Variants in DLGAP1 observed in about 807,000 individuals in gnomAD.
DLGAP1 encodes the protein disks large-associated protein 1.
A neutral mutation model predicts 90.8 loss-of-function variants in DLGAP1; 11 were observed. The observed-to-expected ratio is 0.12, with a 90% CI of 0.08 to 0.20. The LOEUF (loss-of-function observed/expected upper bound fraction) is 0.20, where lower values mean the gene tolerates loss of function less well. Ranked by LOEUF, DLGAP1 falls within the 10% of genes least tolerant of loss-of-function variation. The probability of loss-of-function intolerance (pLI) is 1.00; values close to 1 mark genes in which losing one functional copy is unlikely to be tolerated. For synonymous variants in DLGAP1, 558 were observed against 540.7 expected (o/e 1.03, Z -0.44); for missense variants, 1,050 against 1,333.8 (o/e 0.79, Z 3.31).
At chr18:4,158,213 A>G (rs1568426073) in intron 1 of DLGAP1, among the ~76,000 whole-genome samples, 1 of 152,144 alleles carries the variant, frequency 6.6e-6, no homozygotes, top group Non-Finnish European at 1.5e-5. Flanking sequence ...CAAAGCAACT[A>G]TTCTTATAGT....
chr18:4,378,069 T>C lies in DLGAP1; in HGVS notation c.-267+76937A>G, dbSNP rs924366498. Reference sequence around the variant, plus strand: ...TTTTATATATACATATTATAAAATATATATATCACTTTTCAATCTTTTTTC... The same window carrying C: ...TTTTATATATACATATTATAAAATACATATATCACTTTTCAATCTTTTTTC... On this transcript the variant is annotated intron_variant, in intron 1 of 12. Transcript: ENST00000315677. This position sits in a 1 kb window ranked among gnomAD's most constrained non-coding sequence, Gnocchi z 4.5. Among the ~76,000 whole-genome samples, 2 of 149,076 alleles carry C rather than the reference T, an allele frequency of 1.3e-5. No individual in the cohort carries two copies. Among genetic ancestry groups the C allele is most frequent in the African/African-American group, 4.9e-5 (2 of 40,940 alleles).
intron 7 of DLGAP1, among the ~76,000 whole-genome samples, chr18:3,606,291 G>T (rs2057323161): frequency 6.6e-6 from 1 of 152,116 alleles, no homozygotes; most frequent in Non-Finnish European, 1.5e-5. Flanking sequence ...CCGCTTCTTA[G>T]AACCCTTCCC....
intron 2 of DLGAP1, among the ~76,000 whole-genome samples, chr18:4,064,408 G>A (rs1257921591): frequency 1.3e-5 from 2 of 148,708 alleles, no homozygotes; most frequent in East Asian, 2.0e-4. Flanking sequence ...ATGAATCCAC[G>A]AGATTTTTCT....
Position 4,342,692 on chromosome 18 carries a change from T to C in DLGAP1, c.-267+112314A>G, listed in dbSNP as rs546707236. ...ACTACATTTGCCACAAATCTGCAGA[T>C]GTATGTTGAAAGATTTGACATATCA... is the stretch of plus-strand genomic sequence containing the variant. On this transcript the variant is annotated intron_variant, in intron 1 of 12. Transcript: ENST00000315677. The surrounding 1 kb of genome is among the most constrained non-coding windows in gnomAD (Gnocchi z 5.8). Among the ~76,000 whole-genome samples, 205 of 152,360 alleles carry C rather than the reference T, an allele frequency of 1.3e-3. No homozygotes were observed. Among genetic ancestry groups the C allele is most frequent in the African/African-American group, 4.8e-3 (199 of 41,590 alleles).
intron 10 of DLGAP1, among the ~76,000 whole-genome samples, chr18:3,527,672 C>G (rs1599070590): frequency 6.6e-6 from 1 of 151,872 alleles, no homozygotes; most frequent in East Asian, 1.9e-4. Context: ...CTCACTGTAG[C>G]CTCGACCTCC....
intron 3 of DLGAP1, among the ~76,000 whole-genome samples, chr18:3,973,612 G>A (rs770756114): frequency 2.6e-5 from 4 of 152,194 alleles, no homozygotes; most frequent in Non-Finnish European, 4.4e-5. Flanking sequence ...CATTTCTTCT[G>A]CCAGTGTTGT....
chr18:3,798,754 T>G (rs551829857), intron 5 of DLGAP1, among the ~76,000 whole-genome samples: 1 of 152,232 alleles, frequency 6.6e-6, no homozygotes, highest in Admixed American at 6.5e-5. Context: ...GTGAGGTGCT[T>G]AACATAAGTT....
intron 8 of DLGAP1, among the ~76,000 whole-genome samples, chr18:3,579,946 G>A (rs1054456626): frequency 7.2e-5 from 11 of 152,026 alleles, no homozygotes; most frequent in Non-Finnish European, 1.2e-4. Flanking sequence ...TTCTCATATG[G>A]TCATTCAATA....
rs140971986 is a variant in DLGAP1, at chr18:4,139,801, G to A, written c.-159+11379C>T. On this transcript the variant is annotated intron_variant, in intron 2 of 12. Transcript: ENST00000315677. ...ATACATGGGTGCTCCAGTGTTGGGT[G>A]TAAGTGTATTTATAATCATTACATC... is the stretch of plus-strand genomic sequence containing the variant. Among the ~76,000 whole-genome samples, 1,518 of 152,034 alleles carry A rather than the reference G, an allele frequency of 1.0e-2. 22 individuals are homozygous for A. The highest frequency in any genetic ancestry group is 0.034 in the African/African-American group (1,413 of 41,528).
At chr18:3,841,288 G>C (rs901772049) in intron 4 of DLGAP1, among the ~76,000 whole-genome samples, 1 of 152,166 alleles carries the variant, frequency 6.6e-6, no homozygotes, top group African/African-American at 2.4e-5. Flanking sequence ...TACTTTCTCT[G>C]TAGAGAAAGT....
intron 5 of DLGAP1, among the ~76,000 whole-genome samples, chr18:3,768,473 A>T (rs1568100255): frequency 6.6e-6 from 1 of 152,170 alleles, no homozygotes; most frequent in Non-Finnish European, 1.5e-5. Flanking sequence ...ATGGAAAGTC[A>T]AAGGAACAAG....
intron 1 of DLGAP1, among the ~76,000 whole-genome samples, chr18:4,306,033 T>TACACACACACACACACACAC (rs3041181): frequency 7.7e-5 from 11 of 142,204 alleles, no homozygotes; most frequent in South Asian, 4.5e-4. Context: ...CACACACAAA[T>TACACACACACACACACACAC]ACACACACAC....
At chr18:4,367,030 A>AAAAAAATT (rs71160960) in intron 1 of DLGAP1, among the ~76,000 whole-genome samples, 6 of 135,068 alleles carry the variant, frequency 4.4e-5, no homozygotes, top group East Asian at 2.1e-4. Context: ...AAAAAAAAAA[A>AAAAAAATT]TCTTGTACTT....
At chr18:4,352,712 T>C (rs2081426853) in intron 1 of DLGAP1, among the ~76,000 whole-genome samples, 1 of 152,108 alleles carries the variant, frequency 6.6e-6, no homozygotes, top group African/African-American at 2.4e-5. Flanking sequence ...ACAACCACAA[T>C]GCAGAATTCT....
chr18:3,966,842 G>A (rs1478394091), intron 3 of DLGAP1, among the ~76,000 whole-genome samples: 2 of 152,124 alleles, frequency 1.3e-5, no homozygotes, highest in African/African-American at 2.4e-5. Flanking sequence ...AACAGATTTG[G>A]ATGACATCAG....
At chr18:4,145,141 T>A (rs1396291313) in intron 2 of DLGAP1, among the ~76,000 whole-genome samples, 1 of 152,210 alleles carries the variant, frequency 6.6e-6, no homozygotes, top group Non-Finnish European at 1.5e-5. Context: ...TATGTCTATA[T>A]ATTTAAATAT....
chr18:4,333,621 T>TAA (rs1555783780), intron 1 of DLGAP1, among the ~76,000 whole-genome samples: 4 of 146,710 alleles, frequency 2.7e-5, no homozygotes, highest in Non-Finnish European at 6.0e-5. Context: ...TATATATATA[T>TAA]AATTTTTTTT....
chr18:4,348,015 T>C (rs972841563), intron 1 of DLGAP1, among the ~76,000 whole-genome samples: 4 of 152,136 alleles, frequency 2.6e-5, no homozygotes, highest in Admixed American at 1.3e-4. Context: ...TTCATGTACA[T>C]TGCATTATAA....
At position 4,195,245 on chromosome 18, in the gene DLGAP1, G is replaced by A. The variant is rs187609548; in HGVS notation, c.-266-43958C>T. On this transcript the variant is annotated intron_variant, in intron 1 of 12. Coordinates refer to ENST00000315677, the MANE Select transcript of DLGAP1 (RefSeq NM_004746.4). ...TAAGCCATTCCCATTCAAGATTCAT[G>A]AGACACAGTACAATATATGAGACTT... 8.1e-4 allele frequency among the ~76,000 whole-genome samples: 123 copies of A among 152,196 alleles called. 1 individual carries two copies. The highest frequency in any genetic ancestry group is 2.8e-3 in the African/African-American group (118 of 41,518).
Sources: allele counts gnomAD v4.1 joint callset (sites outside exome capture counted in the v4.1 genomes callset), GRCh38; gene constraint gnomAD v4.1.1; non-coding constraint Gnocchi (gnomAD v3.1); transcripts MANE v1.5; gene names NCBI Gene and HGNC (gene_info 2026-07-23, HGNC 2026-07-21).